SLC4A8: variants seen among roughly 807,000 people sequenced by gnomAD.
The protein encoded by SLC4A8 is solute carrier family 4 member 8, also known as electroneutral sodium bicarbonate exchanger 1.
SLC4A8 carries 40 observed loss-of-function variants against 125.0 expected under a neutral mutation model. The ratio of observed to expected loss-of-function variants is 0.32; its 90% CI spans 0.25 to 0.42. The LOEUF (loss-of-function observed/expected upper bound fraction) is 0.42, where lower values mean the gene tolerates loss of function less well. Among genes scored for constraint, SLC4A8 ranks in the 10% least tolerant of loss-of-function variants. The pLI is 1.00. For missense variants in SLC4A8, 863 were observed against 1,355.1 expected (o/e 0.64, Z 5.70); for synonymous variants, 456 against 476.0 (o/e 0.96, Z 0.55).
chr12:51,453,855 T>A (rs1467830996), intron 5 of SLC4A8, among the ~76,000 whole-genome samples, 156 bp downstream of exon 5: 1 of 152,058 alleles, frequency 6.6e-6, no homozygotes, highest in Non-Finnish European at 1.5e-5. Flanking sequence ...GTGGGAAGGG[T>A]TTCAGGCTAA....
At position 51,512,640 on chromosome 12, in the gene SLC4A8, T is replaced by TGTGGGTGTGGGTGTGTGTGC. The variant is rs1470162842; in HGVS notation, c.*5203_*5222dup. ...AGTGGTGAAGCAGCAGCAGTGTGTG[T>TGTGGGTGTGGGTGTGTGTGC]GTGGGTGTGGGTGTGTGTGCATGCG... On this transcript the variant is annotated 3_prime_UTR_variant, in exon 25 of 25. Coordinates refer to ENST00000453097, the MANE Select transcript of SLC4A8 (RefSeq NM_001039960.3). 1 of 152,298 alleles carries TGTGGGTGTGGGTGTGTGTGC rather than the reference T, an allele frequency of 6.6e-6. No homozygotes were observed. Among genetic ancestry groups the TGTGGGTGTGGGTGTGTGTGC allele is most frequent in the Non-Finnish European group, 1.5e-5 (1 of 68,208 alleles). The allele number at this position is 152,298 out of a possible 1,614,324, so 9.4% of individuals were successfully genotyped here. A position where few individuals can be genotyped will look rare whatever the true frequency, so the allele number is the denominator to read the frequency against.
At chr12:51,496,523 G>A (rs186148181) in intron 21 of SLC4A8, among the ~76,000 whole-genome samples, 6 of 152,314 alleles carry the variant, frequency 3.9e-5, no homozygotes, top group Admixed American at 3.9e-4. Flanking sequence ...GACAAATGAT[G>A]CAGGCCCAAA....
intron 14 of SLC4A8, among the ~76,000 whole-genome samples, chr12:51,472,169 C>T (rs79633489): frequency 0.015 from 2,241 of 152,290 alleles, 71 homozygotes; most frequent in African/African-American, 0.052. Flanking sequence ...CCATCTAGGA[C>T]ACTCTGGTCC....
At chr12:51,472,749 T>A (rs1247279475) in intron 14 of SLC4A8, among the ~76,000 whole-genome samples, 1 of 152,170 alleles carries the variant, frequency 6.6e-6, no homozygotes. Context: ...AACAAATTCT[T>A]TGTTAATAAA....
At chr12:51,409,923 G>A (rs542885043) in intron 1 of SLC4A8, among the ~76,000 whole-genome samples, 4 of 152,326 alleles carry the variant, frequency 2.6e-5, no homozygotes, top group Middle Eastern at 3.4e-3. Flanking sequence ...ATGTGGTATG[G>A]GAAATACGTG....
chr12:51,417,556 C>T (rs1482089389), intron 1 of SLC4A8, among the ~76,000 whole-genome samples: 3 of 147,014 alleles, frequency 2.0e-5, no homozygotes, highest in African/African-American at 7.6e-5. Context: ...CTCACACTGT[C>T]GCCCAGACTG....
At chr12:51,454,407 C>G (rs575167616) in intron 5 of SLC4A8, among the ~76,000 whole-genome samples, 3 of 146,500 alleles carry the variant, frequency 2.0e-5, no homozygotes, top group African/African-American at 7.6e-5. Flanking sequence ...ACCCGGGGAA[C>G]CAGCGTTCAG....
Position 51,515,396 on chromosome 12 carries a change from C to G in SLC4A8, c.*7958C>G, listed in dbSNP as rs551453525. The G allele has an allele frequency of 6.6e-6, 1 of 152,308 alleles. No homozygotes were observed. The highest frequency in any genetic ancestry group is 1.9e-4 in the East Asian group (1 of 5,190). The allele number at this position is 152,308 out of a possible 1,614,324, so 9.4% of individuals were successfully genotyped here. The stretch of plus-strand genomic sequence containing the variant: ...GGTGGAGAACAGAGCAACCTTCCCT[C>G]GGAAGGAGACAATTCGAGGTGCTGG... On this transcript the variant is annotated 3_prime_UTR_variant, in exon 25 of 25. Coordinates refer to ENST00000453097, the MANE Select transcript of SLC4A8 (RefSeq NM_001039960.3).
At chr12:51,409,942 G>A (rs910843210) in intron 1 of SLC4A8, among the ~76,000 whole-genome samples, 8 of 152,304 alleles carry the variant, frequency 5.3e-5, no homozygotes, top group African/African-American at 1.2e-4. Flanking sequence ...TGGAAATGTC[G>A]GGTGCGGGTT....
chr12:51,401,839 A>G (rs9795910), intron 1 of SLC4A8, among the ~76,000 whole-genome samples: 43,379 of 151,866 alleles, frequency 0.29, 7,522 homozygotes, highest in Non-Finnish European at 0.38. Flanking sequence ...CAACTCTTCA[A>G]TGCAGCCTCA....
At position 51,508,748 on chromosome 12, in the gene SLC4A8, TTTCC is replaced by T. The variant is rs1157959071; in HGVS notation, c.*1317_*1320del. On this transcript the variant is annotated 3_prime_UTR_variant, in exon 25 of 25. Coordinates refer to ENST00000453097, the MANE Select transcript of SLC4A8 (RefSeq NM_001039960.3). ...ATTTGGGATCCAGTGCTTATAAACC[TTTCC>T]TTCCTTTGTGCACAGAATGTAACTA... 24 of 152,346 alleles carry T rather than the reference TTTCC, an allele frequency of 1.6e-4. No homozygotes were observed. The highest frequency in any genetic ancestry group is 5.1e-4 in the African/African-American group (21 of 41,584). The allele number at this position is 152,346 out of a possible 1,614,324, so 9.4% of individuals were successfully genotyped here.
intron 1 of SLC4A8, among the ~76,000 whole-genome samples, chr12:51,408,060 C>T (rs750955123): frequency 1.2e-4 from 18 of 152,202 alleles, no homozygotes; most frequent in Admixed American, 1.1e-3. Context: ...TATAAGGACA[C>T]CAGTCATATT....
At position 51,510,801 on chromosome 12, in the gene SLC4A8, C is replaced by T. The variant is rs976471955; in HGVS notation, c.*3363C>T. ...CTCTTAACGGCAAGTGCTCACGGGGCATGGGTGATTTTGTCTAGTCTGGTC... is the reference window on the plus strand; with the variant it reads ...CTCTTAACGGCAAGTGCTCACGGGGTATGGGTGATTTTGTCTAGTCTGGTC... On this transcript the variant is annotated 3_prime_UTR_variant, in exon 25 of 25. Transcript: ENST00000453097. 10 of 151,932 alleles carry T rather than the reference C, an allele frequency of 6.6e-5. No individual in the cohort carries two copies. Among genetic ancestry groups the T allele is most frequent in the Admixed American group, 5.2e-4 (8 of 15,266 alleles). The allele number at this position is 151,932 out of a possible 1,614,324, so 9.4% of individuals were successfully genotyped here. A position where few individuals can be genotyped will look rare whatever the true frequency, so the allele number is the denominator to read the frequency against.
chr12:51,403,166 C>T (rs749155983), intron 1 of SLC4A8: 3 of 386,276 alleles, frequency 7.8e-6, no homozygotes, highest in South Asian at 5.3e-5. Flanking sequence ...GCTCTATGTT[C>T]AACAAGAACA....
chr12:51,450,716 T>C, intron 2 of SLC4A8, 160 bp from the exon 3 acceptor site: 1 of 726,884 alleles, frequency 1.4e-6, no homozygotes. Flanking sequence ...AAAATCTCTA[T>C]ATCTTTACTC....
chr12:51,506,711 G>A (rs557775654), intron 24 of SLC4A8, among the ~76,000 whole-genome samples: 35 of 152,352 alleles, frequency 2.3e-4, no homozygotes, highest in African/African-American at 8.2e-4. Flanking sequence ...TGGGATTACA[G>A]GCGTGGGCCA....
At chr12:51,481,076 C>T (rs563056811) in intron 16 of SLC4A8, among the ~76,000 whole-genome samples, 1 of 152,268 alleles carries the variant, frequency 6.6e-6, no homozygotes, top group African/African-American at 2.4e-5. Flanking sequence ...CCTGCCCTAA[C>T]ATTATCTTCT....
At chr12:51,424,054 C>CAAAAAAAAAA (rs1334821004), upstream of SLC4A8, among the ~76,000 whole-genome samples, 1 of 77,438 alleles carries the variant, frequency 1.3e-5, no homozygotes, top group Non-Finnish European at 2.5e-5. Context: ...AAAAAAAAAA[C>CAAAAAAAAAA]AAAAAAAACA....
At chr12:51,424,054 C>CAA (rs1334821004), upstream of SLC4A8, among the ~76,000 whole-genome samples, 2,363 of 76,814 alleles carry the variant, frequency 0.031, 140 homozygotes, top group African/African-American at 0.071. Context: ...AAAAAAAAAA[C>CAA]AAAAAAAACA....
Sources: gnomAD v4.1 joint callset for allele counts (sites outside exome capture counted in the v4.1 genomes callset) on GRCh38, gnomAD v4.1.1 for gene constraint, MANE v1.5 for transcripts, NCBI Gene and HGNC (gene_info 2026-07-23, HGNC 2026-07-21) for gene names.